ABCA7: variants seen among roughly 807,000 people sequenced by gnomAD.
ABCA7 encodes phospholipid-transporting ATPase ABCA7.
In ABCA7, 261 loss-of-function variants were observed where a neutral mutation model predicts 227.6. That is an observed-to-expected ratio of 1.15 (90% CI 1.04 to 1.27). ABCA7 has a LOEUF of 1.27. Among genes scored for constraint, ABCA7 ranks in the 50% most tolerant of loss-of-function variants. The pLI is 0.00. For synonymous variants in ABCA7, 1,488 were observed against 1,279.7 expected, an observed-to-expected ratio of 1.16 and a Z score of -3.47; for missense variants, 3,331 against 2,924.5, an observed-to-expected ratio of 1.14 and a Z score of -3.21.
chr19:1,041,460 G>C (rs756904983), intron 2 of ABCA7, 33 bp downstream of exon 2: 10 of 1,613,770 alleles, frequency 6.2e-6, no homozygotes, highest in Non-Finnish European at 6.8e-6. Flanking sequence ...GGGCCGGGTG[G>C]GCAGGCAGCC....
chr19:1,062,036 C>T (rs2042690040), intron 41 of ABCA7, 136 bp from the exon 42 acceptor site: 5 of 1,461,524 alleles, frequency 3.4e-6, no homozygotes, highest in African/African-American at 2.8e-5. Context: ...ACCTCCCACA[C>T]GCGGACCAGG....
In ABCA7 at chr19:1,049,289, G is replaced by A. The variant is rs762725384; in HGVS notation, c.2404G>A (p.Gly802Ser). 1.4e-5 allele frequency: 23 copies of A among 1,609,354 alleles called. No individual in the cohort carries two copies. Among genetic ancestry groups the A allele is most frequent in the Middle Eastern group, 1.6e-4 (1 of 6,070 alleles). The change falls in exon 18 of 47, where the codon GGC becomes AGC. Residue 802 changes from glycine to serine, a missense_variant. Coordinates refer to ENST00000263094, the MANE Select transcript of ABCA7 (RefSeq NM_019112.4). ...AGTGCTGGTAGAAGAGGCACCGCCC[G>A]GCCTGAGTCCTGGCGTCTCCGTTCG... Reference protein sequence around the residue: ...PKVLVEEAPPGLSPGVSVRSL... With the variant: ...PKVLVEEAPPSLSPGVSVRSL...
chr19:1,047,212 C>A lies in ABCA7; in HGVS notation c.1901C>A (p.Ala634Asp). 1 of 1,608,976 alleles carries A rather than the reference C, an allele frequency of 6.2e-7. No individual in the cohort carries two copies. The highest frequency in any genetic ancestry group is 8.5e-7 in the Non-Finnish European group (1 of 1,179,460). Reference sequence around the variant, plus strand: ...GGCGTGGTCTTCCTGTTCTTGGCAGCCTTCGCGGTGGCCACGGTGACCCAG... The same window carrying A: ...GGCGTGGTCTTCCTGTTCTTGGCAGACTTCGCGGTGGCCACGGTGACCCAG... ...HPGVVFLFLA[A>D]FAVATVTQSF... is the part of the protein sequence containing the mutation. The change falls in exon 15 of 47, where the codon GCC becomes GAC. Residue 634 changes from alanine (A) to aspartate (D), a missense_variant. By Grantham distance (126) the Ala-to-Asp change is moderately radical. Coordinates refer to ENST00000263094, the MANE Select transcript of ABCA7 (RefSeq NM_019112.4).
In ABCA7 at chr19:1,051,950, C is replaced by T. The variant is rs1199634575; in HGVS notation, c.2971C>T (p.Leu991=). 6.2e-7 allele frequency: 1 copy of T among 1,611,436 alleles called. No individual in the cohort carries two copies. The highest frequency in any genetic ancestry group is 1.3e-5 in the African/African-American group (1 of 74,904). The change falls in exon 22 of 47, where the codon CTG becomes TTG. Residue 991 remains leucine, a synonymous_variant. Coordinates refer to ENST00000263094, the MANE Select transcript of ABCA7 (RefSeq NM_019112.4). ...LLLKYREGRT[L]ILSTHHLDEA... is the part of the protein sequence containing the mutation. ...TGGTCCCCCGTGCCTAGGTCGCACG[C>T]TGATCCTCTCCACCCACCACCTGGA...
chr19:1,042,492 C>T (rs750013923), intron 6 of ABCA7, 95 bp downstream of exon 6: 3 of 1,443,482 alleles, frequency 2.1e-6, no homozygotes, highest in Non-Finnish European at 1.9e-6. Flanking sequence ...CCTCCCGTTC[C>T]AGGCATCCAG....
Position 1,064,841 on chromosome 19 carries a change from C to A in ABCA7, c.6045-90C>A, listed in dbSNP as rs369276510. On this transcript the variant is annotated intron_variant, in intron 45 of 46. Transcript: ENST00000263094. ...TCGCTAGGGTAGTACAAGTATGGGG[C>A]GGGGCCAGAGAGTATTAGGGGCTGG... The A allele has an allele frequency of 8.3e-6, 12 of 1,449,338 alleles. No homozygotes were observed. The South Asian group carries it at 1.3e-4, about 16-fold the overall frequency. The allele number at this position is 1,449,338 out of a possible 1,614,324, so 89.8% of individuals were successfully genotyped here. A position where few individuals can be genotyped will look rare whatever the true frequency, so the allele number is the denominator to read the frequency against.
intron 13 of ABCA7, 140 bp from the exon 14 acceptor site, chr19:1,046,662 G>A (rs2040709129): frequency 8.7e-7 from 1 of 1,145,380 alleles, no homozygotes; most frequent in Admixed American, 2.2e-5. Flanking sequence ...CCAAAGGCTG[G>A]CTGGATCAGG....
At position 1,051,173 on chromosome 19, in the gene ABCA7, C is replaced by A. The variant is rs755207544; in HGVS notation, c.2703C>A (p.His901Gln). The change falls in exon 20 of 47, where the codon CAC (histidine) becomes CAA (glutamine). Residue 901 changes from histidine to glutamine, a missense_variant. Physicochemically the swap from His to Gln is conservative, Grantham distance 24 (BLOSUM62 0). Coordinates refer to ENST00000263094, the MANE Select transcript of ABCA7 (RefSeq NM_019112.4). ...GCCGCAGGCTGACCGTGGACGAGCA[C>A]GTCTGGTTCTATGGGCGGCTGAAGG... Reference protein sequence around the residue: ...VLFDMLTVDEHVWFYGRLKGL... With the variant: ...VLFDMLTVDEQVWFYGRLKGL... The A allele has an allele frequency of 6.2e-7, 1 of 1,611,210 alleles. No individual in the cohort carries two copies. Among genetic ancestry groups the A allele is most frequent in the African/African-American group, 1.3e-5 (1 of 75,048 alleles).
chr19:1,046,998 G>T lies in ABCA7; in HGVS notation c.1819G>T (p.Ala607Ser). ...CTGCCTCGGGCCCTTCCTGCTCAGCGCCGCACTGCTGGTTCTGGTGCTCAA... is the reference window on the plus strand; with the variant it reads ...CTGCCTCGGGCCCTTCCTGCTCAGCTCCGCACTGCTGGTTCTGGTGCTCAA... ...LSCLGPFLLS[A>S]ALLVLVLKLG... is the part of the protein sequence containing the mutation. Residue 607 changes from alanine to serine, a missense_variant, in exon 14 of 47, where the codon GCC (alanine) becomes TCC (serine). Coordinates refer to ENST00000263094, the MANE Select transcript of ABCA7 (RefSeq NM_019112.4). 1 of 1,576,206 alleles carries T rather than the reference G, an allele frequency of 6.3e-7. No homozygotes were observed. Among genetic ancestry groups the T allele is most frequent in the Non-Finnish European group, 8.6e-7 (1 of 1,164,234 alleles).
Position 1,048,943 on chromosome 19 carries a change from A to G in ABCA7, c.2318A>G (p.Tyr773Cys), listed in dbSNP as rs773813881. Residue 773 changes from tyrosine to cysteine, a missense_variant, in exon 17 of 47, where the codon TAC becomes TGC. Tyr to Cys is a radical substitution (Grantham distance 194). Coordinates refer to ENST00000263094, the MANE Select transcript of ABCA7 (RefSeq NM_019112.4). ...TGGAATTTTCCTTTTCGGAGGAGCT[A>G]CTGGTGCGGACCTCGGCCCCCCAAG... ...EPWNFPFRRS[Y>C]WCGPRPPKSP... The G allele has an allele frequency of 5.6e-6, 9 of 1,609,440 alleles. No homozygotes were observed. In the East Asian group the frequency reaches 1.1e-4, roughly 20 times the overall value.
At chr19:1,044,308 C>G (rs4147908) in intron 10 of ABCA7, among the ~76,000 whole-genome samples, 2 of 141,452 alleles carry the variant, frequency 1.4e-5, no homozygotes, top group East Asian at 4.1e-4. Context: ...ACTGCAGTGG[C>G]GAGATCTTGG....
Position 1,041,829 on chromosome 19 carries a change from A to T in ABCA7, c.161-2A>T, listed in dbSNP as rs768917670. 6.2e-7 allele frequency: 1 copy of T among 1,602,118 alleles called. No individual in the cohort carries two copies. The highest frequency in any genetic ancestry group is 1.1e-5 in the South Asian group (1 of 90,404). The stretch of plus-strand genomic sequence containing the variant: ...GCCTCAGCACCAGGCGTCTCCCCGC[A>T]GGCCACTTCCCAAACAAGCCACTGC... On this transcript the variant is annotated splice_acceptor_variant, in intron 3 of 46. Coordinates refer to ENST00000263094, the MANE Select transcript of ABCA7 (RefSeq NM_019112.4). LOFTEE classifies it high-confidence loss of function.
In ABCA7 at chr19:1,055,364, C is replaced by G; in HGVS notation, c.4205+13C>G. On this transcript the variant is annotated intron_variant, in intron 30 of 46. Transcript: ENST00000263094. ...TGGTGCGCCAGGGGTGAGCCATGCCCTGGGACTCAGTTTCCCTGGCTATAG... is the reference window on the plus strand; with the variant it reads ...TGGTGCGCCAGGGGTGAGCCATGCCGTGGGACTCAGTTTCCCTGGCTATAG... 1.3e-6 allele frequency: 2 copies of G among 1,557,210 alleles called. No homozygotes were observed. The highest frequency in any genetic ancestry group is 1.7e-6 in the Non-Finnish European group (2 of 1,153,296).
chr19:1,044,800 T>G, intron 11 of ABCA7, 56 bp downstream of exon 11: 2 of 1,538,946 alleles, frequency 1.3e-6, no homozygotes, highest in Non-Finnish European at 1.7e-6. Context: ...GGTCCCATCC[T>G]AGTGTTCCCA....
intron 17 of ABCA7, 80 bp from the exon 18 acceptor site, chr19:1,049,186 T>G (rs929559611): frequency 6.1e-6 from 9 of 1,481,286 alleles, no homozygotes; most frequent in Non-Finnish European, 8.2e-6. Flanking sequence ...AGGTCCCGGA[T>G]TCCACAGCCC....
rs886498486 is a variant in ABCA7, at chr19:1,050,266, G to A, written c.2553-655G>A. Among the ~76,000 whole-genome samples, 5 of 151,798 alleles carry A rather than the reference G, an allele frequency of 3.3e-5. No individual in the cohort carries two copies. In the South Asian group the frequency reaches 6.3e-4, roughly 19 times the overall value. On this transcript the variant is annotated intron_variant, in intron 18 of 46. Transcript: ENST00000263094. ...TCTACTAAAAATACAAAAATTAGCC[G>A]GGTGTGATGGTGGCGTGCACCTGTA...
chr19:1,046,266 C>T lies in ABCA7; in HGVS notation c.1482C>T (p.Thr494=), dbSNP rs1013086989. ...CTGGCCCAGCCGCGGACCCCCTGAC[C>T]GACCTGCGCTACGTGTGGGGCGGCT... ...WDPGPAADPL[T]DLRYVWGGFV... The change falls in exon 13 of 47, where the codon ACC becomes ACT. Residue 494 remains threonine (T), a synonymous_variant. Transcript: ENST00000263094. The T allele has an allele frequency of 4.4e-6, 7 of 1,607,074 alleles. No homozygotes were observed. Among genetic ancestry groups the T allele is most frequent in the South Asian group, 2.2e-5 (2 of 91,076 alleles).
chr19:1,049,425 A>G lies in ABCA7; in HGVS notation c.2540A>G (p.Lys847Arg), dbSNP rs756311780. The G allele has an allele frequency of 1.9e-5, 30 of 1,603,206 alleles. No individual in the cohort carries two copies. The East Asian group carries it at 6.8e-4, about 36-fold the overall frequency. ...TAFLGHNGAG[K>R]TTTLSILSGL... The stretch of plus-strand genomic sequence containing the variant: ...TTCCTGGGCCACAACGGGGCCGGCA[A>G]GACCACCACCCTGTGAGCCCCCAAC... The change falls in exon 18 of 47, where the codon AAG (lysine) becomes AGG (arginine). Residue 847 changes from lysine to arginine, a missense_variant. Lys to Arg is a conservative substitution (Grantham distance 26, BLOSUM62 2). Transcript: ENST00000263094.
chr19:1,064,706 C>A (rs2042926050), intron 45 of ABCA7: 17 of 709,080 alleles, frequency 2.4e-5, no homozygotes, highest in Non-Finnish European at 3.7e-5. Context: ...CCTAGGGAGA[C>A]CCCATCTCTA....
Sources: gnomAD v4.1 joint callset for allele counts (sites outside exome capture counted in the v4.1 genomes callset) on GRCh38, gnomAD v4.1.1 for gene constraint, MANE v1.5 for transcripts, NCBI Gene and HGNC (gene_info 2026-07-23, HGNC 2026-07-21) for gene names.